The following RPS6KA3 variants were observed in gnomAD, a reference collection of about 807,000 sequenced individuals.
RPS6KA3 encodes ribosomal protein S6 kinase A3, also known as ribosomal protein S6 kinase alpha-3.
RPS6KA3 carries 4 observed loss-of-function variants against 67.2 expected under a neutral mutation model. The ratio of observed to expected loss-of-function variants is 0.06; its 90% CI spans 0.03 to 0.14. The LOEUF (loss-of-function observed/expected upper bound fraction) is 0.14. RPS6KA3 is among the 10% of genes least tolerant of loss of function. RPS6KA3 has a pLI of 1.00. For synonymous variants in RPS6KA3, 182 were observed against 183.7 expected (o/e 0.99, Z 0.07); for missense variants, 204 against 559.0 (o/e 0.36, Z 6.40).
intron 1 of RPS6KA3, among the ~76,000 whole-genome samples, chrX:20,237,574 C>T (rs903490817): frequency 1.8e-5 from 2 of 111,152 alleles, no homozygotes; most frequent in Non-Finnish European, 1.9e-5. Context: ...TTTCTCTTAG[C>T]CTATTACTTT....
chrX:20,201,382 T>C (rs962627025), intron 4 of RPS6KA3, among the ~76,000 whole-genome samples: 2 of 110,963 alleles, frequency 1.8e-5, no homozygotes, highest in Non-Finnish European at 3.8e-5. Flanking sequence ...TAAGCCATCC[T>C]CCCGCCTCAG....
upstream of RPS6KA3, chrX:20,267,030 A>G: frequency 4.0e-6 from 3 of 752,886 alleles, no homozygotes; most frequent in Non-Finnish European, 4.7e-6. Flanking sequence ...CATGGCGCCT[A>G]AGCGATACCT....
intron 15 of RPS6KA3, among the ~76,000 whole-genome samples, chrX:20,170,471 C>T (rs184378452): frequency 9.0e-6 from 1 of 111,376 alleles, no homozygotes. Context: ...TCTGCTTCTG[C>T]CACCCCTGAG....
intron 20 of RPS6KA3, among the ~76,000 whole-genome samples, chrX:20,159,767 A>G (rs2067265420): frequency 8.9e-6 from 1 of 112,356 alleles, no homozygotes; most frequent in Non-Finnish European, 1.9e-5. Flanking sequence ...ACAACCTATC[A>G]TGACAAAGTT....
At chrX:20,201,976 C>CTTTTT (rs1282039865) in intron 4 of RPS6KA3, among the ~76,000 whole-genome samples, 7 of 82,718 alleles carry the variant, frequency 8.5e-5, no homozygotes, top group Middle Eastern at 7.2e-3. Flanking sequence ...TTTCTTTTTT[C>CTTTTT]TTTTTTTTTT....
intron 3 of RPS6KA3, among the ~76,000 whole-genome samples, chrX:20,208,354 C>T (rs2068623533): frequency 9.0e-6 from 1 of 110,717 alleles, no homozygotes; most frequent in African/African-American, 3.3e-5. Context: ...TACAGAAGTG[C>T]CCCTGAGGTG....
chrX:20,181,202 T>C (rs969657263), intron 10 of RPS6KA3, among the ~76,000 whole-genome samples: 1 of 112,254 alleles, frequency 8.9e-6, no homozygotes, highest in East Asian at 2.8e-4. Flanking sequence ...TCTTGATAAA[T>C]GTCGAATCTG....
intron 1 of RPS6KA3, among the ~76,000 whole-genome samples, chrX:20,237,978 A>C (rs926380808): frequency 9.0e-6 from 1 of 111,427 alleles, no homozygotes. Flanking sequence ...TCAGCTGTGA[A>C]TTCTCTTTAA....
intron 2 of RPS6KA3, among the ~76,000 whole-genome samples, chrX:20,211,774 AAACAAC>A (rs111559307): frequency 9.0e-6 from 1 of 111,597 alleles, no homozygotes; most frequent in African/African-American, 3.3e-5. Flanking sequence ...AACCAAACCA[AAACAAC>A]AACAACAACA....
chrX:20,243,921 TA>T (rs1949211620), intron 1 of RPS6KA3, among the ~76,000 whole-genome samples: 1 of 111,661 alleles, frequency 9.0e-6, no homozygotes, highest in African/African-American at 3.3e-5. Context: ...AAAAAGTCAT[TA>T]AAAACAGTAA....
chrX:20,235,747 A>G (rs2069392906), intron 1 of RPS6KA3, among the ~76,000 whole-genome samples: 1 of 111,769 alleles, frequency 8.9e-6, no homozygotes, highest in African/African-American at 3.3e-5. Flanking sequence ...TCAGGAAGGC[A>G]ATCCGAGTCC....
chrX:20,232,800 G>A (rs754492201), intron 2 of RPS6KA3, among the ~76,000 whole-genome samples: 9 of 111,438 alleles, frequency 8.1e-5, no homozygotes, highest in Non-Finnish European at 1.7e-4. Flanking sequence ...AATAATGATG[G>A]ATACTCAACT....
intron 10 of RPS6KA3, among the ~76,000 whole-genome samples, chrX:20,178,058 TG>T (rs1021515878): frequency 3.6e-5 from 4 of 111,743 alleles, no homozygotes; most frequent in Non-Finnish European, 7.5e-5. Flanking sequence ...TATTATTCAG[TG>T]GGTTGTTATT....
At chrX:20,257,378 G>A (rs1463365477) in intron 1 of RPS6KA3, among the ~76,000 whole-genome samples, 1 of 112,247 alleles carries the variant, frequency 8.9e-6, no homozygotes, top group Non-Finnish European at 1.9e-5. Flanking sequence ...TTTGTGCATT[G>A]TGGCTCTTTC....
intron 1 of RPS6KA3, among the ~76,000 whole-genome samples, chrX:20,254,460 C>T (rs2069978111): frequency 9.0e-6 from 1 of 111,660 alleles, no homozygotes; most frequent in African/African-American, 3.3e-5. Flanking sequence ...AGAAAGGGTG[C>T]CCTAGGTGAG....
In RPS6KA3 at chrX:20,266,903, C is replaced by T. The variant is rs2070412484; in HGVS notation, c.-271G>A. ...CCTCCGCTGGGCACCGGGTCTCGCC[C>T]CTTTCTTCCTCTCCTCCTTCCGCCG... is the stretch of plus-strand genomic sequence containing the variant. On this transcript the variant is annotated 5_prime_UTR_variant, in exon 1 of 22. Transcript: ENST00000379565. The T allele has an allele frequency of 5.0e-6, 3 of 597,629 alleles. No homozygotes were observed. Among genetic ancestry groups the T allele is most frequent in the Non-Finnish European group, 6.1e-6 (3 of 495,547 alleles). The allele number at this position is 597,629 out of a possible 1,213,427, so 49.3% of individuals were successfully genotyped here.
intron 1 of RPS6KA3, among the ~76,000 whole-genome samples, chrX:20,257,229 A>G (rs973682162): frequency 8.9e-6 from 1 of 112,242 alleles, no homozygotes; most frequent in Non-Finnish European, 1.9e-5. Context: ...GGAAAGAAAG[A>G]GCAGTGATCT....
chrX:20,187,593 C>A (rs1386144819), intron 9 of RPS6KA3, among the ~76,000 whole-genome samples: 2 of 111,956 alleles, frequency 1.8e-5, no homozygotes, highest in African/African-American at 6.5e-5. Context: ...TAGATTGTTA[C>A]TATTAGCAGG....
At chrX:20,223,251 A>G (rs2069027829) in intron 2 of RPS6KA3, among the ~76,000 whole-genome samples, 1 of 111,349 alleles carries the variant, frequency 9.0e-6, no homozygotes, top group Non-Finnish European at 1.9e-5. Context: ...ATGCTAACTC[A>G]TTTTCGGGAC....
Sources: gnomAD v4.1 joint callset for allele counts (sites outside exome capture counted in the v4.1 genomes callset) on GRCh38, gnomAD v4.1.1 for gene constraint, MANE v1.5 for transcripts, NCBI Gene and HGNC (gene_info 2026-07-23, HGNC 2026-07-21) for gene names.